The following TRPM8 variants were observed in gnomAD, a reference collection of about 807,000 sequenced individuals.
The protein encoded by TRPM8 is TRPM8 cationic channel.
Under a neutral mutation model 133.7 loss-of-function variants are expected in TRPM8, and 110 were observed. That is an observed-to-expected ratio of 0.82 (90% CI 0.70 to 0.96). The LOEUF is 0.96. Ranked by LOEUF, TRPM8 falls within the 40% of genes least tolerant of loss-of-function variation. The probability of loss-of-function intolerance (pLI) is 0.00; values close to 1 mark genes in which losing one functional copy is unlikely to be tolerated. For synonymous variants in TRPM8, 535 were observed against 532.3 expected, an observed-to-expected ratio of 1.01 and a Z score of -0.07; for missense variants, 1,291 against 1,379.5, an observed-to-expected ratio of 0.94 and a Z score of 1.02.
intron 20 of TRPM8, among the ~76,000 whole-genome samples, chr2:233,984,687 C>G (rs1692099925): frequency 6.6e-6 from 1 of 152,206 alleles, no homozygotes; most frequent in South Asian, 2.1e-4. Context: ...CGAGCCCCTT[C>G]TGATCTGTGC....
At chr2:234,016,740 T>C (rs531194561) in intron 25 of TRPM8, among the ~76,000 whole-genome samples, 1 of 152,258 alleles carries the variant, frequency 6.6e-6, no homozygotes, top group Admixed American at 6.5e-5. Context: ...AAGCCATTTG[T>C]TTTCTCCTAT....
At chr2:233,927,958 CTCTT>C (rs749199791) in intron 2 of TRPM8, among the ~76,000 whole-genome samples, 2,799 of 62,316 alleles carry the variant, frequency 0.045, 493 homozygotes, top group Non-Finnish European at 0.053. Flanking sequence ...CTCTCTCTCT[CTCTT>C]TCTTTCTTTC....
chr2:233,945,401 G>C (rs1246873913), intron 6 of TRPM8, among the ~76,000 whole-genome samples: 1 of 152,036 alleles, frequency 6.6e-6, no homozygotes, highest in African/African-American at 2.4e-5. Flanking sequence ...CTAGATCCTG[G>C]CATGGGTCAC....
At chr2:233,965,054 G>C (rs570825072) in intron 14 of TRPM8, among the ~76,000 whole-genome samples, 1,058 of 13,330 alleles carry the variant, frequency 0.079, 17 homozygotes, top group African/African-American at 0.42. Flanking sequence ...TTTTTTTTGT[G>C]GGGGGGGGGG....
At chr2:233,939,743 A>G (rs1207452004) in intron 5 of TRPM8, among the ~76,000 whole-genome samples, 1 of 152,212 alleles carries the variant, frequency 6.6e-6, no homozygotes, top group Non-Finnish European at 1.5e-5. Context: ...AGATTCACCA[A>G]TTGTTAACAT....
chr2:233,990,917 A>AAT (rs1269923784), intron 21 of TRPM8, among the ~76,000 whole-genome samples: 2 of 152,170 alleles, frequency 1.3e-5, no homozygotes, highest in Non-Finnish European at 2.9e-5. Flanking sequence ...ATATGAATAT[A>AAT]ATATATATAA....
intron 24 of TRPM8, among the ~76,000 whole-genome samples, chr2:234,008,341 A>AG (rs1348439014): frequency 6.6e-6 from 1 of 152,168 alleles, no homozygotes; most frequent in Non-Finnish European, 1.5e-5. Context: ...TATCCAACTC[A>AG]GGGCCCCCTC....
At chr2:233,966,545 AG>A in intron 14 of TRPM8, 64 bp from the exon 15 acceptor site, 1 of 1,602,150 alleles carries the variant, frequency 6.2e-7, no homozygotes, top group Non-Finnish European at 8.5e-7. Flanking sequence ...TGGGGGTGGA[AG>A]CAGGACAGTT....
At chr2:233,966,242 G>A (rs1413150977) in intron 14 of TRPM8, 1 of 194,742 alleles carries the variant, frequency 5.1e-6, no homozygotes, top group Non-Finnish European at 1.1e-5. Flanking sequence ...TGATTACGGG[G>A]GGGTCGGGGG....
chr2:233,972,712 G>C (rs546600930), intron 17 of TRPM8, among the ~76,000 whole-genome samples: 54 of 152,330 alleles, frequency 3.5e-4, no homozygotes, highest in African/African-American at 1.3e-3. Flanking sequence ...ACTGGCCCGG[G>C]TGCTAAACCT....
chr2:233,966,046 T>C (rs1691562318), intron 14 of TRPM8: 5 of 152,468 alleles, frequency 3.3e-5, no homozygotes, highest in Admixed American at 6.5e-5. Flanking sequence ...GACGGGGTTT[T>C]GCCATGTTGG....
chr2:234,000,086 GATTTATTTATTT>G (rs3078202), intron 22 of TRPM8, among the ~76,000 whole-genome samples: 4 of 144,166 alleles, frequency 2.8e-5, no homozygotes, highest in South Asian at 2.3e-4. Flanking sequence ...CAATGTGGAT[GATTTATTTATTT>G]ATTTATTTAT....
chr2:233,985,159 A>G (rs1041028953), intron 20 of TRPM8, among the ~76,000 whole-genome samples: 3 of 151,618 alleles, frequency 2.0e-5, no homozygotes, highest in African/African-American at 7.3e-5. Flanking sequence ...ACTGATGTTT[A>G]CAACCCCCAC....
intron 17 of TRPM8, among the ~76,000 whole-genome samples, chr2:233,977,978 C>A: frequency 6.6e-6 from 1 of 152,126 alleles, no homozygotes; most frequent in African/African-American, 2.4e-5. Context: ...AGAGTATAAT[C>A]TTCCACGACC....
chr2:233,966,629 C>A lies in TRPM8; in HGVS notation c.1899C>A (p.Tyr633Ter), dbSNP rs574002666. ...CTGTAGAGCTGTTCACTGAGTGTTA[C>A]AGCAGCGATGAAGACTTGGCAGAAC... ...TRAVELFTEC[Y>*]SSDEDLAEQL... The change falls in exon 15 of 26, where the codon TAC (tyrosine) becomes TAA (stop). Residue 633 changes from tyrosine (Y) to a stop codon, truncating the protein, a stop_gained. Transcript: ENST00000324695. LOFTEE classifies it high-confidence loss of function. 1 of 1,614,134 alleles carries A rather than the reference C, an allele frequency of 6.2e-7. No homozygotes were observed. The highest frequency in any genetic ancestry group is 1.1e-5 in the South Asian group (1 of 91,082).
At position 233,983,127 on chromosome 2, in the gene TRPM8, C is replaced by T; in HGVS notation, c.2664C>T (p.Ile888=). ...MVAFGVARQG[I]LRQNEQRWRW... ...CCTTTGGCGTGGCCAGGCAAGGGAT[C>T]CTTAGGCAGAATGAGCAGCGCTGGA... Residue 888 remains isoleucine, a synonymous_variant, in exon 20 of 26, where the codon ATC becomes ATT. Transcript: ENST00000324695. 3.1e-6 allele frequency: 5 copies of T among 1,614,118 alleles called. No individual in the cohort carries two copies. The highest frequency in any genetic ancestry group is 8.5e-7 in the Non-Finnish European group (1 of 1,180,016).
At chr2:233,924,697 T>C (rs1488848392) in intron 1 of TRPM8, among the ~76,000 whole-genome samples, 2 of 152,202 alleles carry the variant, frequency 1.3e-5, no homozygotes, top group Admixed American at 6.5e-5. Flanking sequence ...TTTTCTTTGA[T>C]AGAAATGTGA....
intron 21 of TRPM8, among the ~76,000 whole-genome samples, chr2:233,995,336 T>C (rs900407941): frequency 6.6e-6 from 1 of 152,254 alleles, no homozygotes; most frequent in African/African-American, 2.4e-5. Flanking sequence ...TTTATAGTTT[T>C]GGTTTAATTT....
At chr2:233,929,934 C>A (rs1321152707) in intron 2 of TRPM8, among the ~76,000 whole-genome samples, 1 of 152,166 alleles carries the variant, frequency 6.6e-6, no homozygotes, top group Non-Finnish European at 1.5e-5. Flanking sequence ...AGCTTCCTTT[C>A]ATATGTTTAT....
Sources: allele counts gnomAD v4.1 joint callset (sites outside exome capture counted in the v4.1 genomes callset), GRCh38; gene constraint gnomAD v4.1.1; transcripts MANE v1.5; gene names NCBI Gene and HGNC (gene_info 2026-07-23, HGNC 2026-07-21).